The following FARP1 variants were observed in gnomAD, a reference collection of about 807,000 sequenced individuals.
FARP1 encodes the protein FERM, ARH/RhoGEF and pleckstrin domain protein 1.
In FARP1, 52 loss-of-function variants were observed where a neutral mutation model predicts 128.8. The ratio of observed to expected loss-of-function variants is 0.40; its 90% CI spans 0.32 to 0.51. The LOEUF (loss-of-function observed/expected upper bound fraction) is 0.51. Ranked by LOEUF, FARP1 falls within the 20% of genes least tolerant of loss-of-function variation. The probability of loss-of-function intolerance (pLI) is 0.45; values close to 1 mark genes in which losing one functional copy is unlikely to be tolerated. For missense variants in FARP1, 1,333 were observed against 1,367.9 expected, an observed-to-expected ratio of 0.97 and a Z score of 0.40; for synonymous variants, 580 against 551.8, an observed-to-expected ratio of 1.05 and a Z score of -0.72.
chr13:98,333,817 T>A (rs1887623432), intron 2 of FARP1: 1 of 152,008 alleles, frequency 6.6e-6, no homozygotes, highest in Non-Finnish European at 1.5e-5. Context: ...GAAAGCCTTG[T>A]TCCAGCTCCC....
intron 1 of FARP1, among the ~76,000 whole-genome samples, chr13:98,153,573 A>ATT (rs1566671413): frequency 8.3e-6 from 1 of 120,536 alleles, no homozygotes; most frequent in African/African-American, 3.4e-5. Context: ...TATATTATAT[A>ATT]TATATTTCGA....
intron 17 of FARP1, among the ~76,000 whole-genome samples, chr13:98,425,256 A>G (rs1014328279): frequency 2.0e-5 from 3 of 152,090 alleles, no homozygotes; most frequent in African/African-American, 7.2e-5. Context: ...TTTCATTTTC[A>G]GTCAGTTGTT....
intron 2 of FARP1, among the ~76,000 whole-genome samples, chr13:98,216,316 A>G (rs1297131827): frequency 6.6e-6 from 1 of 152,174 alleles, no homozygotes. Context: ...GAGGAAGGTG[A>G]CTACAGGGTT....
chr13:98,148,725 G>A (rs750395359), intron 1 of FARP1, among the ~76,000 whole-genome samples: 3 of 152,178 alleles, frequency 2.0e-5, no homozygotes, highest in Non-Finnish European at 4.4e-5. Context: ...TTATCTGGGT[G>A]TGCAATTCTG....
At chr13:98,396,235 G>A (rs1395601399) in intron 13 of FARP1, 3 of 399,062 alleles carry the variant, frequency 7.5e-6, no homozygotes, top group Non-Finnish European at 1.3e-5. Context: ...GGTCCCTGCT[G>A]TGCAGTCGGT....
intron 13 of FARP1, chr13:98,400,486 G>C (rs1364666536): frequency 1.3e-5 from 2 of 152,184 alleles, no homozygotes; most frequent in African/African-American, 4.8e-5. Flanking sequence ...GCATTATTCC[G>C]TATTTCAGCA....
intron 2 of FARP1, among the ~76,000 whole-genome samples, chr13:98,284,105 C>T (rs1285965733): frequency 1.3e-5 from 2 of 152,298 alleles, no homozygotes; most frequent in Non-Finnish European, 2.9e-5. Context: ...GTCCAACGCC[C>T]ATGGCCCAGG....
At chr13:98,231,518 A>G (rs566337910) in intron 2 of FARP1, among the ~76,000 whole-genome samples, 1 of 152,138 alleles carries the variant, frequency 6.6e-6, no homozygotes, top group South Asian at 2.1e-4. Flanking sequence ...GCTCACTGCA[A>G]CCTCCGCCTT....
intron 1 of FARP1, among the ~76,000 whole-genome samples, chr13:98,168,663 G>A (rs1275586564): frequency 6.6e-6 from 1 of 152,194 alleles, no homozygotes; most frequent in African/African-American, 2.4e-5. Context: ...TCTCTTTCTT[G>A]AAATTTGTTT....
At chr13:98,236,657 A>G (rs1882438417) in intron 2 of FARP1, among the ~76,000 whole-genome samples, 1 of 152,216 alleles carries the variant, frequency 6.6e-6, no homozygotes, top group Admixed American at 6.5e-5. Flanking sequence ...AGTCTATTTT[A>G]TCATTTACTA....
intron 2 of FARP1, among the ~76,000 whole-genome samples, chr13:98,342,639 G>A (rs1248463499): frequency 2.6e-5 from 4 of 152,186 alleles, no homozygotes; most frequent in Non-Finnish European, 5.9e-5. Flanking sequence ...GGCGGAGATT[G>A]CAGTGAGCTG....
Position 98,453,110 on chromosome 13 carries a change from T to TA in FARP1, c.*4799dup. The TA allele has an allele frequency of 6.3e-7, 1 of 1,596,584 alleles. No individual in the cohort carries two copies. Among genetic ancestry groups the TA allele is most frequent in the Non-Finnish European group, 8.6e-7 (1 of 1,167,246 alleles). On this transcript the variant is annotated 3_prime_UTR_variant, in exon 27 of 27. Transcript: ENST00000319562. ...GTCAGCGAAGGCTCTCGTTGACTTT[T>TA]AAAAAAGGAGGAGGATGAAGAAGGA...
chr13:98,393,413 G>A (rs1012824462), intron 11 of FARP1, among the ~76,000 whole-genome samples: 1 of 152,104 alleles, frequency 6.6e-6, no homozygotes, highest in African/African-American at 2.4e-5. Context: ...ACTACAACAA[G>A]GGCTTCTGAG....
intron 1 of FARP1, among the ~76,000 whole-genome samples, chr13:98,161,029 T>A (rs1253510796): frequency 6.6e-6 from 1 of 152,084 alleles, no homozygotes; most frequent in Non-Finnish European, 1.5e-5. Context: ...CATAGCAGTT[T>A]TAGGTTCTCA....
At chr13:98,263,182 A>G (rs1883959017) in intron 2 of FARP1, among the ~76,000 whole-genome samples, 1 of 151,846 alleles carries the variant, frequency 6.6e-6, no homozygotes, top group Non-Finnish European at 1.5e-5. Context: ...TAATTTTTGT[A>G]CTTTTAATAG....
chr13:98,438,534 A>G (rs527815028), intron 19 of FARP1, among the ~76,000 whole-genome samples: 1 of 152,080 alleles, frequency 6.6e-6, no homozygotes, highest in East Asian at 1.9e-4. Context: ...TGGGGAGGAG[A>G]CAGATGATCC....
Position 98,287,208 on chromosome 13 carries a change from C to CTTTTTT in FARP1, c.172-56519_172-56514dup, listed in dbSNP as rs71111939. ...TTTCCAAATTAACCATCAGACATGT[C>CTTTTTT]TTTTTTTTTTTTTTTTTTTTTTTTT... On this transcript the variant is annotated intron_variant, in intron 2 of 26. Transcript: ENST00000319562. 1.8e-3 allele frequency among the ~76,000 whole-genome samples: 133 copies of CTTTTTT among 75,824 alleles called. 12 individuals carry two copies. Among genetic ancestry groups the CTTTTTT allele is most frequent in the Non-Finnish European group, 2.6e-3 (108 of 42,094 alleles). 49.7% of individuals were successfully genotyped at this position (75,824 alleles called of 152,430 possible).
chr13:98,276,996 T>G (rs1422884395), intron 2 of FARP1, among the ~76,000 whole-genome samples: 1 of 152,202 alleles, frequency 6.6e-6, no homozygotes. Context: ...GTGATTGATA[T>G]GAAAATGTCA....
intron 17 of FARP1, 71 bp downstream of exon 17, chr13:98,424,721 GC>G: frequency 9.6e-7 from 1 of 1,037,404 alleles, no homozygotes; most frequent in Non-Finnish European, 1.5e-6. Context: ...ATGGGCATAG[GC>G]TGTAAGCCAT....
Sources: gnomAD v4.1 joint callset for allele counts (sites outside exome capture counted in the v4.1 genomes callset) on GRCh38, gnomAD v4.1.1 for gene constraint, MANE v1.5 for transcripts, NCBI Gene and HGNC (gene_info 2026-07-23, HGNC 2026-07-21) for gene names.